The following EPS15 variants were observed in gnomAD, a reference collection of about 807,000 sequenced individuals.
EPS15 encodes epidermal growth factor receptor substrate 15.
In EPS15, 72 loss-of-function variants were observed where a neutral mutation model predicts 113.8. The observed-to-expected ratio is 0.63, with a 90% CI of 0.52 to 0.77. The LOEUF is 0.77. Ranked by LOEUF, EPS15 falls within the 30% of genes least tolerant of loss-of-function variation. EPS15 has a pLI of 0.00. For missense variants in EPS15, 1,048 were observed against 1,045.8 expected (o/e 1.00, Z -0.03); for synonymous variants, 344 against 363.4 (o/e 0.95, Z 0.61).
chr1:51,391,679 G>C (rs1647382162), intron 21 of EPS15, among the ~76,000 whole-genome samples: 1 of 152,022 alleles, frequency 6.6e-6, no homozygotes, highest in Admixed American at 6.6e-5. Flanking sequence ...TGTTAGAAAA[G>C]TGCAGGCCAC....
At chr1:51,414,238 C>T (rs1443321869) in intron 13 of EPS15, among the ~76,000 whole-genome samples, 2 of 151,628 alleles carry the variant, frequency 1.3e-5, no homozygotes, top group African/African-American at 4.8e-5. Context: ...ATAGTAAAAC[C>T]CCATCTCTAT....
chr1:51,365,107 C>G (rs1646479262), intron 22 of EPS15, among the ~76,000 whole-genome samples: 1 of 152,192 alleles, frequency 6.6e-6, no homozygotes, highest in Non-Finnish European at 1.5e-5. Context: ...GCTGGGATAA[C>G]AGGCATGAGC....
chr1:51,444,840 T>C lies in EPS15; in HGVS notation c.954+49A>G, dbSNP rs866300971. ...ATTGAATCTGTAATTCGACATAGTATTGTTCCTTTGAAATTAATACATTCA... is the reference window on the plus strand; with the variant it reads ...ATTGAATCTGTAATTCGACATAGTACTGTTCCTTTGAAATTAATACATTCA... On this transcript the variant is annotated intron_variant, in intron 11 of 24. Transcript: ENST00000371733. The C allele has an allele frequency of 9.8e-6, 15 of 1,530,450 alleles. No homozygotes were observed. The Middle Eastern group carries it at 1.4e-3, about 141-fold the overall frequency. The allele number at this position is 1,530,450 out of a possible 1,614,324, so 94.8% of individuals were successfully genotyped here. A position where few individuals can be genotyped will look rare whatever the true frequency, so the allele number is the denominator to read the frequency against.
chr1:51,453,836 GTTT>G (rs1402680044), intron 8 of EPS15, among the ~76,000 whole-genome samples: 1 of 151,982 alleles, frequency 6.6e-6, no homozygotes, highest in Admixed American at 6.6e-5. Flanking sequence ...CACCTGGAGG[GTTT>G]TTAATTCTTG....
In EPS15 at chr1:51,388,830, C is replaced by T. The variant is rs551754060; in HGVS notation, c.2119+5551G>A. ...CTGAAATTGTGGCAATAATCAATAGCTTACCAACCAAAAAGAGTCCAGGAC... is the reference window on the plus strand; with the variant it reads ...CTGAAATTGTGGCAATAATCAATAGTTTACCAACCAAAAAGAGTCCAGGAC... On this transcript the variant is annotated intron_variant, in intron 21 of 24. Coordinates refer to ENST00000371733, the MANE Select transcript of EPS15 (RefSeq NM_001981.3). 4.6e-5 allele frequency among the ~76,000 whole-genome samples: 7 copies of T among 152,262 alleles called. No individual in the cohort carries two copies. The South Asian group carries it at 1.0e-3, about 23-fold the overall frequency.
At chr1:51,480,000 T>C (rs555610457) in intron 2 of EPS15, among the ~76,000 whole-genome samples, 37 of 152,330 alleles carry the variant, frequency 2.4e-4, no homozygotes, top group Non-Finnish European at 4.6e-4. Context: ...GTGGAGAGAA[T>C]TTCTAAGGTT....
At chr1:51,454,123 A>G (rs1244037127) in intron 8 of EPS15, among the ~76,000 whole-genome samples, 1 of 152,072 alleles carries the variant, frequency 6.6e-6, no homozygotes. Flanking sequence ...GGAAATATGT[A>G]AACAGTTAAT....
intron 12 of EPS15, among the ~76,000 whole-genome samples, chr1:51,424,922 T>C (rs1254523013): frequency 2.6e-5 from 4 of 151,056 alleles, no homozygotes; most frequent in African/African-American, 4.9e-5. Context: ...TAAAATAAAA[T>C]AAAAAAAGGT....
chr1:51,379,269 G>A (rs1227080479), intron 21 of EPS15, among the ~76,000 whole-genome samples: 1 of 152,138 alleles, frequency 6.6e-6, no homozygotes, highest in African/African-American at 2.4e-5. Context: ...ACAGGCGCAA[G>A]CCACCACGCC....
At chr1:51,454,947 A>G (rs973909996) in intron 8 of EPS15, among the ~76,000 whole-genome samples, 7 of 152,116 alleles carry the variant, frequency 4.6e-5, no homozygotes, top group African/African-American at 1.7e-4. Context: ...AAAAAAAAAA[A>G]AGAGCATGAC....
At chr1:51,514,619 G>C (rs1049557415) in intron 1 of EPS15, among the ~76,000 whole-genome samples, 1 of 152,238 alleles carries the variant, frequency 6.6e-6, no homozygotes, top group Non-Finnish European at 1.5e-5. Flanking sequence ...ACTATGATTC[G>C]TTGCTAATGA....
chr1:51,504,111 A>G (rs968843629), intron 1 of EPS15, among the ~76,000 whole-genome samples: 18 of 152,336 alleles, frequency 1.2e-4, no homozygotes, highest in African/African-American at 3.8e-4. Flanking sequence ...AGACTTTATA[A>G]AAATTATAAA....
Position 51,373,075 on chromosome 1 carries a change from T to C in EPS15, c.2120-7046A>G, listed in dbSNP as rs12070681. On this transcript the variant is annotated intron_variant, in intron 21 of 24. Coordinates refer to ENST00000371733, the MANE Select transcript of EPS15 (RefSeq NM_001981.3). ...ACATTCCATAGTTGCCCTACACAAC[T>C]TCATCAACAACAAGATTGCCAATCA... 425 of 186,774 alleles carry C rather than the reference T, an allele frequency of 2.3e-3. 4 individuals are homozygous for C. Among genetic ancestry groups the C allele is most frequent in the African/African-American group, 9.6e-3 (402 of 41,832 alleles). 11.6% of individuals were successfully genotyped at this position (186,774 alleles called of 1,614,324 possible).
At chr1:51,514,375 TAAA>T (rs34317895) in intron 1 of EPS15, among the ~76,000 whole-genome samples, 1 of 151,782 alleles carries the variant, frequency 6.6e-6, no homozygotes, top group Non-Finnish European at 1.5e-5. Flanking sequence ...ATTTTTTTTT[TAAA>T]AACTTTTATT....
intron 1 of EPS15, among the ~76,000 whole-genome samples, chr1:51,502,687 G>A (rs1021364753): frequency 4.6e-5 from 7 of 152,044 alleles, no homozygotes; most frequent in South Asian, 2.1e-4. Context: ...CACTTCCAAC[G>A]AAGAATCTGT....
chr1:51,423,246 T>C, intron 12 of EPS15: 1 of 1,289,010 alleles, frequency 7.8e-7, no homozygotes, highest in Non-Finnish European at 1.0e-6. Flanking sequence ...CGCGATGTTG[T>C]GATTTTAAAC....
At chr1:51,357,417 TA>T (rs1646256432) in intron 24 of EPS15, among the ~76,000 whole-genome samples, 6 of 64,802 alleles carry the variant, frequency 9.3e-5, no homozygotes, top group African/African-American at 3.4e-4. Context: ...TATATATATA[TA>T]TATATATATT....
chr1:51,446,275 T>G (rs17106583), intron 10 of EPS15, among the ~76,000 whole-genome samples: 8,063 of 152,252 alleles, frequency 0.053, 690 homozygotes, highest in African/African-American at 0.18. Flanking sequence ...TATTCCTATG[T>G]GAAGGTATGA....
chr1:51,416,199 G>C (rs1364735557), intron 13 of EPS15, among the ~76,000 whole-genome samples: 1 of 152,044 alleles, frequency 6.6e-6, no homozygotes, highest in Admixed American at 6.5e-5. Flanking sequence ...TTTCCTAAAC[G>C]TGGCCCTTGG....
Sources: allele counts gnomAD v4.1 joint callset (sites outside exome capture counted in the v4.1 genomes callset), GRCh38; gene constraint gnomAD v4.1.1; transcripts MANE v1.5; gene names NCBI Gene and HGNC (gene_info 2026-07-23, HGNC 2026-07-21).